Variants in THOC2 observed in about 807,000 individuals in gnomAD.
THOC2 encodes the protein THO complex 2.
THOC2 carries 10 observed loss-of-function variants against 128.4 expected under a neutral mutation model. The ratio of observed to expected loss-of-function variants is 0.08; its 90% CI spans 0.05 to 0.13. The LOEUF is 0.13. THOC2 is among the 10% of genes least tolerant of loss of function. The probability of loss-of-function intolerance (pLI) is 1.00; values close to 1 mark genes in which losing one functional copy is unlikely to be tolerated. For missense variants in THOC2, 535 were observed against 1,155.7 expected (o/e 0.46, Z 7.79); for synonymous variants, 393 against 396.9 (o/e 0.99, Z 0.12).
chrX:123,627,308 C>T (rs759137065), intron 23 of THOC2, among the ~76,000 whole-genome samples: 2 of 111,391 alleles, frequency 1.8e-5, no homozygotes, highest in African/African-American at 3.3e-5. Flanking sequence ...TGGTGACCTC[C>T]CTATCTGCTT....
chrX:123,664,775 G>A (rs1415607304), intron 12 of THOC2, among the ~76,000 whole-genome samples: 1 of 111,742 alleles, frequency 8.9e-6, no homozygotes, highest in Admixed American at 9.5e-5. Flanking sequence ...TATTTGAGTT[G>A]GGTAGTGGAC....
intron 12 of THOC2, among the ~76,000 whole-genome samples, chrX:123,661,384 G>A (rs1055268776): frequency 7.3e-5 from 8 of 109,209 alleles, no homozygotes; most frequent in Non-Finnish European, 1.1e-4. Context: ...CAGCCTGGGC[G>A]ACAAGAGCGA....
At chrX:123,624,718 C>A in intron 25 of THOC2, 49 bp from the exon 26 acceptor site, 1 of 1,123,312 alleles carries the variant, frequency 8.9e-7, no homozygotes, top group South Asian at 2.0e-5. Flanking sequence ...AGGTCAAAAT[C>A]AGTTAAAAAT....
chrX:123,647,505 T>C (rs1186665814), intron 12 of THOC2, among the ~76,000 whole-genome samples: 3 of 111,069 alleles, frequency 2.7e-5, no homozygotes, highest in Non-Finnish European at 5.7e-5. Context: ...AATTCAAATA[T>C]GAACAGGACA....
Position 123,621,368 on chromosome X carries a change from T to C in THOC2, c.4005A>G (p.Glu1335=), listed in dbSNP as rs751345411. The change falls in exon 31 of 39, where the codon GAA becomes GAG. Residue 1335 remains glutamate, a synonymous_variant. Coordinates refer to ENST00000245838, the MANE Select transcript of THOC2 (RefSeq NM_001081550.2). The part of the protein sequence containing the change: ...DKEKEKFKKE[E]KAKDEKFKTT... ...TCTTAAATTTCTCATCTTTAGCTTT[T>C]TCTTCCTTCTTGAATTTTTCTTTCT... The C allele has an allele frequency of 2.5e-6, 3 of 1,211,357 alleles. No individual in the cohort carries two copies. Among genetic ancestry groups the C allele is most frequent in the Non-Finnish European group, 3.4e-6 (3 of 895,474 alleles).
intron 8 of THOC2, among the ~76,000 whole-genome samples, chrX:123,672,217 C>T (rs889447837): frequency 3.6e-5 from 4 of 110,268 alleles, no homozygotes; most frequent in Non-Finnish European, 7.6e-5. Context: ...TGGCTCACTG[C>T]AGTCCTGACC....
intron 15 of THOC2, among the ~76,000 whole-genome samples, chrX:123,643,960 G>T (rs902828260): frequency 8.9e-6 from 1 of 112,030 alleles, no homozygotes. Flanking sequence ...GAAAACACTT[G>T]CAATACAGCA....
At chrX:123,654,625 G>T (rs1024113158) in intron 12 of THOC2, among the ~76,000 whole-genome samples, 1 of 106,027 alleles carries the variant, frequency 9.4e-6, no homozygotes, top group Non-Finnish European at 1.9e-5. Context: ...GGGCATGGTG[G>T]GCGCGCACCT....
chrX:123,669,045 A>G (rs1321318371), intron 9 of THOC2, among the ~76,000 whole-genome samples: 1 of 111,280 alleles, frequency 9.0e-6, no homozygotes, highest in Non-Finnish European at 1.9e-5. Flanking sequence ...AAGCTATAAA[A>G]GGAGTGTTCC....
intron 1 of THOC2, among the ~76,000 whole-genome samples, chrX:123,727,769 A>AT (rs1055004264): frequency 1.8e-5 from 2 of 111,636 alleles, no homozygotes; most frequent in Admixed American, 1.9e-4. Context: ...CCAGGCATTC[A>AT]TTTTTTCTAC....
chrX:123,637,163 T>C (rs749628608), intron 18 of THOC2, among the ~76,000 whole-genome samples: 1 of 111,502 alleles, frequency 9.0e-6, no homozygotes, highest in African/African-American at 3.3e-5. Flanking sequence ...AAGATGAGGC[T>C]AGAACAGTGC....
In THOC2 at chrX:123,712,160, T is replaced by C. The variant is rs747543167; in HGVS notation, c.130+690A>G. On this transcript the variant is annotated intron_variant, in intron 2 of 38. Coordinates refer to ENST00000245838, the MANE Select transcript of THOC2 (RefSeq NM_001081550.2). ...CGGTTATAAAAATGTATTTTCTAAT[T>C]TAAAAAAATAATGTGGGTTTTACCC... 2.7e-5 allele frequency among the ~76,000 whole-genome samples: 3 copies of C among 110,515 alleles called. No homozygotes were observed. In the East Asian group the frequency reaches 8.4e-4, roughly 31 times the overall value.
At chrX:123,605,857 A>G (rs954120030) in intron 38 of THOC2, among the ~76,000 whole-genome samples, 11 of 111,507 alleles carry the variant, frequency 9.9e-5, no homozygotes, top group Non-Finnish European at 1.5e-4. Flanking sequence ...GAATTACAAA[A>G]TCAATTGTCT....
chrX:123,618,605 G>C (rs906253827), intron 33 of THOC2, among the ~76,000 whole-genome samples: 1 of 111,744 alleles, frequency 8.9e-6, no homozygotes, highest in Non-Finnish European at 1.9e-5. Flanking sequence ...TCATTCTGCT[G>C]AGCAGATTCA....
chrX:123,615,656 T>TAC (rs988551946), intron 33 of THOC2, among the ~76,000 whole-genome samples: 3,918 of 91,548 alleles, frequency 0.043, 152 homozygotes, highest in African/African-American at 0.12. Flanking sequence ...AAAAAAAAAA[T>TAC]ACACACACAC....
intron 8 of THOC2, 34 bp downstream of exon 8, chrX:123,686,514 C>G (rs754934474): frequency 1.9e-6 from 2 of 1,063,372 alleles, no homozygotes; most frequent in South Asian, 4.7e-5. Flanking sequence ...AGAAATCAAT[C>G]TCTAAATATA....
chrX:123,694,227 T>C (rs1057140154), intron 7 of THOC2, among the ~76,000 whole-genome samples: 1 of 109,398 alleles, frequency 9.1e-6, no homozygotes, highest in Non-Finnish European at 1.9e-5. Context: ...TATGACAGGA[T>C]ACAAGGAAAG....
intron 7 of THOC2, among the ~76,000 whole-genome samples, chrX:123,691,604 C>T (rs985871886): frequency 9.0e-6 from 1 of 111,666 alleles, no homozygotes; most frequent in East Asian, 2.8e-4. Context: ...CTCACTCTAC[C>T]CTTCCCTAGC....
At position 123,665,844 on chromosome X, in the gene THOC2, T is replaced by A; in HGVS notation, c.1191-7A>T. ...ACCTTTAGGAACTCCAACTCTATTT[T>A]AAAAAGTAAAATAAATAAATAAACA... On this transcript the variant is annotated splice_region_variant and splice_polypyrimidine_tract_variant and intron_variant, in intron 11 of 38. Coordinates refer to ENST00000245838, the MANE Select transcript of THOC2 (RefSeq NM_001081550.2). 1 of 1,018,535 alleles carries A rather than the reference T, an allele frequency of 9.8e-7. No homozygotes were observed. Among genetic ancestry groups the A allele is most frequent in the Non-Finnish European group, 1.3e-6 (1 of 772,159 alleles). 83.9% of individuals were successfully genotyped at this position (1,018,535 alleles called of 1,213,427 possible).
Sources: gnomAD v4.1 joint callset for allele counts (sites outside exome capture counted in the v4.1 genomes callset) on GRCh38, gnomAD v4.1.1 for gene constraint, MANE v1.5 for transcripts, NCBI Gene and HGNC (gene_info 2026-07-23, HGNC 2026-07-21) for gene names.